The following SFXN5 variants were observed in gnomAD, a reference collection of about 807,000 sequenced individuals.
SFXN5 encodes the protein sideroflexin-5.
Under a neutral mutation model 50.2 loss-of-function variants are expected in SFXN5, and 43 were observed. The observed-to-expected ratio is 0.86, with a 90% confidence interval of 0.67 to 1.11. The LOEUF (loss-of-function observed/expected upper bound fraction) is 1.11, where lower values mean the gene tolerates loss of function less well. SFXN5 is among the 50% of genes least tolerant of loss of function. The pLI, the probability that SFXN5 is intolerant of heterozygous loss-of-function variation, is 0.00. For missense variants in SFXN5, 463 were observed against 454.1 expected, an observed-to-expected ratio of 1.02 and a Z score of -0.18; for synonymous variants, 203 against 185.8, an observed-to-expected ratio of 1.09 and a Z score of -0.75.
intron 6 of SFXN5, among the ~76,000 whole-genome samples, chr2:73,009,254 G>A (rs1574105618): frequency 6.6e-6 from 1 of 152,248 alleles, no homozygotes; most frequent in Non-Finnish European, 1.5e-5. Flanking sequence ...CCAGGCATTT[G>A]CTTAAATGTT....
Position 72,973,871 on chromosome 2 carries a change from G to A in SFXN5, c.626-2186C>T, listed in dbSNP as rs549827360. Among the ~76,000 whole-genome samples the A allele has an allele frequency of 7.9e-5, 12 of 152,186 alleles. No individual in the cohort carries two copies. The highest frequency in any genetic ancestry group is 2.2e-4 in the African/African-American group (9 of 41,428). On this transcript the variant is annotated intron_variant, in intron 10 of 13. Transcript: ENST00000272433. The surrounding 1 kb of genome is among the most constrained non-coding windows in gnomAD (Gnocchi z 5.5). ...GGTTCCCAGGAGACCTAAGAAAACC[G>A]TTGAGAGGACAGTGGGGTTTTCTGC...
intron 13 of SFXN5, among the ~76,000 whole-genome samples, chr2:72,956,518 G>C (rs1272953233): frequency 6.6e-6 from 1 of 152,052 alleles, no homozygotes; most frequent in African/African-American, 2.4e-5. Context: ...CTATAGTGAG[G>C]TGTGGGTGGG....
intron 1 of SFXN5, among the ~76,000 whole-genome samples, chr2:73,062,800 A>G (rs1682912710): frequency 6.6e-6 from 1 of 152,152 alleles, no homozygotes; most frequent in Non-Finnish European, 1.5e-5. Context: ...ATGTCTTCCT[A>G]GTTTAAGTCA....
At chr2:73,032,041 T>C (rs1020283343) in intron 3 of SFXN5, among the ~76,000 whole-genome samples, 2 of 152,204 alleles carry the variant, frequency 1.3e-5, no homozygotes, top group Admixed American at 1.3e-4. Flanking sequence ...AAATGTTGAC[T>C]TTAAGGGGTT....
chr2:73,004,685 G>A (rs1163943301), intron 6 of SFXN5, among the ~76,000 whole-genome samples: 1 of 152,028 alleles, frequency 6.6e-6, no homozygotes, highest in Non-Finnish European at 1.5e-5. Flanking sequence ...ACACCGAGCT[G>A]CATCGGCCAA....
At chr2:72,984,471 G>A (rs1171141678) in intron 10 of SFXN5, among the ~76,000 whole-genome samples, 1 of 152,278 alleles carries the variant, frequency 6.6e-6, no homozygotes. Context: ...TATGGGTGAG[G>A]GGTTATCTCA....
chr2:73,042,620 A>T (rs1032886294), intron 2 of SFXN5: 9 of 152,024 alleles, frequency 5.9e-5, no homozygotes, highest in Non-Finnish European at 1.0e-4. Context: ...CTTAAAAAAT[A>T]AAAAAATAAA....
chr2:72,982,644 G>A (rs6753133), intron 10 of SFXN5, among the ~76,000 whole-genome samples: 26,208 of 152,148 alleles, frequency 0.17, 2,428 homozygotes, highest in East Asian at 0.32. Flanking sequence ...GATAGACATC[G>A]GCACACACAG....
chr2:73,047,273 T>TACACAC (rs1308620959), intron 2 of SFXN5, among the ~76,000 whole-genome samples: 34 of 63,922 alleles, frequency 5.3e-4, no homozygotes, highest in Non-Finnish European at 8.5e-4. Flanking sequence ...TATATATATA[T>TACACAC]ATACACACAT....
chr2:73,066,331 GT>G (rs1683176136), intron 1 of SFXN5, among the ~76,000 whole-genome samples: 1 of 151,362 alleles, frequency 6.6e-6, no homozygotes, highest in South Asian at 2.1e-4. Flanking sequence ...GCCGAGGCGG[GT>G]GGATCACCTG....
intron 3 of SFXN5, among the ~76,000 whole-genome samples, chr2:73,030,196 C>T (rs1407791185): frequency 2.6e-5 from 4 of 152,164 alleles, no homozygotes; most frequent in African/African-American, 9.7e-5. Flanking sequence ...TCCAGAGTCC[C>T]TATCCTTAAC....
intron 2 of SFXN5, among the ~76,000 whole-genome samples, chr2:73,054,610 C>A (rs1166804285): frequency 6.6e-6 from 1 of 152,158 alleles, no homozygotes; most frequent in East Asian, 1.9e-4. Context: ...ATCACCAAAG[C>A]CCCTGCCTGT....
chr2:73,020,189 C>T (rs1559163156), intron 6 of SFXN5, 50 bp downstream of exon 6: 1 of 1,548,730 alleles, frequency 6.5e-7, no homozygotes, highest in Non-Finnish European at 8.9e-7. Context: ...TAAAGTTAGA[C>T]ATTTAAAATA....
chr2:72,965,898 C>T (rs1462815986), intron 12 of SFXN5, among the ~76,000 whole-genome samples: 2 of 152,170 alleles, frequency 1.3e-5, no homozygotes, highest in Non-Finnish European at 2.9e-5. Flanking sequence ...CCGCCCCCCG[C>T]CTTCTTGTAG....
intron 13 of SFXN5, among the ~76,000 whole-genome samples, chr2:72,958,096 C>T (rs995042385): frequency 6.6e-6 from 1 of 152,156 alleles, no homozygotes; most frequent in Admixed American, 6.5e-5. Context: ...CATTGCTTTG[C>T]AGCCAGAGCT....
At chr2:72,980,347 C>T (rs1559115096) in intron 10 of SFXN5, among the ~76,000 whole-genome samples, 1 of 152,202 alleles carries the variant, frequency 6.6e-6, no homozygotes, top group Non-Finnish European at 1.5e-5. Flanking sequence ...ACCACCTTTA[C>T]ACACTCACAC....
At chr2:73,006,033 C>A (rs1282590506) in intron 6 of SFXN5, among the ~76,000 whole-genome samples, 1 of 152,140 alleles carries the variant, frequency 6.6e-6, no homozygotes, top group African/African-American at 2.4e-5. Flanking sequence ...TTTGGCTCTG[C>A]TTGGTCATCT....
intron 3 of SFXN5, among the ~76,000 whole-genome samples, chr2:73,030,140 A>G (rs926852989): frequency 2.0e-5 from 3 of 151,932 alleles, no homozygotes; most frequent in Admixed American, 2.0e-4. Flanking sequence ...AAAAACAAAA[A>G]CAAAAAAGTC....
Position 72,960,085 on chromosome 2 carries a change from A to T in SFXN5, c.945+1046T>A, listed in dbSNP as rs1169645235. Among the ~76,000 whole-genome samples, 1 of 150,616 alleles carries T rather than the reference A, an allele frequency of 6.6e-6. No individual in the cohort carries two copies. The highest frequency in any genetic ancestry group is 1.5e-5 in the Non-Finnish European group (1 of 67,732). On this transcript the variant is annotated intron_variant, in intron 13 of 13. Transcript: ENST00000272433. The surrounding 1 kb of genome is among the most constrained non-coding windows in gnomAD (Gnocchi z 6.1). ...CACCACCCTGGCTGCTTGTCTTTGG[A>T]CCCCGCCAGGGTGGAGGCCTCACCC...
Sources: gnomAD v4.1 joint callset for allele counts (sites outside exome capture counted in the v4.1 genomes callset) on GRCh38, gnomAD v4.1.1 for gene constraint, Gnocchi (gnomAD v3.1) non-coding constraint, MANE v1.5 for transcripts, NCBI Gene and HGNC (gene_info 2026-07-23, HGNC 2026-07-21) for gene names.